ROBO2: variants seen among roughly 807,000 people sequenced by gnomAD.
ROBO2 encodes the protein roundabout homolog 2.
In ROBO2, 53 loss-of-function variants were observed where a neutral mutation model predicts 160.8. The ratio of observed to expected loss-of-function variants is 0.33; its 90% CI spans 0.26 to 0.41. The LOEUF (loss-of-function observed/expected upper bound fraction) is 0.41, where lower values mean the gene tolerates loss of function less well. Ranked by LOEUF, ROBO2 falls within the 10% of genes least tolerant of loss-of-function variation. The probability of loss-of-function intolerance (pLI) is 1.00; values close to 1 mark genes in which losing one functional copy is unlikely to be tolerated. For synonymous variants in ROBO2, 664 were observed against 611.7 expected (o/e 1.09, Z -1.26); for missense variants, 1,577 against 1,722.4 (o/e 0.92, Z 1.49).
chr3:76,478,231 A>G (rs1363076419), intron 2 of ROBO2, among the ~76,000 whole-genome samples: 2 of 127,400 alleles, frequency 1.6e-5, no homozygotes, highest in Admixed American at 1.9e-4. Flanking sequence ...TCCTGTGTCC[A>G]TGTGTTCTTA....
At chr3:77,249,250 C>T (rs755045858) in intron 2 of ROBO2, among the ~76,000 whole-genome samples, 4 of 152,134 alleles carry the variant, frequency 2.6e-5, no homozygotes, top group South Asian at 2.1e-4. Flanking sequence ...TACCTGTAAA[C>T]GACCTTATGA....
chr3:77,280,391 G>A (rs1476573947), intron 2 of ROBO2, among the ~76,000 whole-genome samples: 2 of 152,058 alleles, frequency 1.3e-5, no homozygotes, highest in African/African-American at 4.8e-5. Context: ...TGAATTCTTT[G>A]CCTTTCTAGA....
At chr3:77,515,047 T>G (rs949954718) in intron 5 of ROBO2, among the ~76,000 whole-genome samples, 21 of 151,788 alleles carry the variant, frequency 1.4e-4, no homozygotes, top group Admixed American at 8.6e-4. Context: ...AAATTAGTAA[T>G]GAGCCAACTA....
intron 2 of ROBO2, among the ~76,000 whole-genome samples, chr3:76,257,502 C>T (rs2107580728): frequency 6.6e-6 from 1 of 152,210 alleles, no homozygotes; most frequent in East Asian, 1.9e-4. Context: ...ATTGATTCTC[C>T]CAAATTGTGA....
At chr3:76,241,854 A>G (rs1705308749) in intron 2 of ROBO2, among the ~76,000 whole-genome samples, 1 of 152,186 alleles carries the variant, frequency 6.6e-6, no homozygotes, top group Non-Finnish European at 1.5e-5. Flanking sequence ...ATGTTTTATC[A>G]TTGGCTCCAA....
chr3:77,329,426 T>A (rs2153440226), intron 2 of ROBO2, among the ~76,000 whole-genome samples: 1 of 152,308 alleles, frequency 6.6e-6, no homozygotes, highest in South Asian at 2.1e-4. Context: ...TGTTCTAGTG[T>A]TTAGGCTAAT....
intron 2 of ROBO2, among the ~76,000 whole-genome samples, chr3:76,722,779 A>G (rs1005603295): frequency 2.6e-5 from 4 of 152,176 alleles, no homozygotes; most frequent in African/African-American, 9.7e-5. Flanking sequence ...ATTGTAGCAT[A>G]TATCAGTACT....
intron 2 of ROBO2, among the ~76,000 whole-genome samples, chr3:76,913,948 T>G (rs1012581913): frequency 1.7e-5 from 2 of 120,276 alleles, no homozygotes; most frequent in African/African-American, 7.5e-5. Flanking sequence ...AATACTCCAT[T>G]ACATGAGTAA....
chr3:77,277,157 C>CTTCCTTCTTTCT (rs1553882842), intron 2 of ROBO2, among the ~76,000 whole-genome samples: 3 of 88,136 alleles, frequency 3.4e-5, no homozygotes, highest in African/African-American at 1.3e-4. Context: ...TCCTTCTTTC[C>CTTCCTTCTTTCT]TTCTTTCTTT....
intron 2 of ROBO2, among the ~76,000 whole-genome samples, chr3:76,524,826 TAAAAA>T (rs58091252): frequency 4.8e-3 from 104 of 21,596 alleles, no homozygotes; most frequent in African/African-American, 6.3e-3. Flanking sequence ...CTCTTATTCC[TAAAAA>T]AAAAAAAAAA....
At chr3:76,392,332 T>G (rs761330953) in intron 2 of ROBO2, among the ~76,000 whole-genome samples, 6 of 152,192 alleles carry the variant, frequency 3.9e-5, no homozygotes, top group Non-Finnish European at 8.8e-5. Context: ...TTTAGAACTT[T>G]GTGTTCATGC....
rs1239947290 is a variant in ROBO2, at chr3:77,574,387, C to T, written c.1972-112C>T. Reference sequence around the variant, plus strand: ...GATTAGCTAGAAAGTCATGACATCACTCAGTTGATAGTTATGAGGACAGAA... The same window carrying T: ...GATTAGCTAGAAAGTCATGACATCATTCAGTTGATAGTTATGAGGACAGAA... On this transcript the variant is annotated intron_variant, in intron 13 of 25. Coordinates refer to ENST00000461745, the Ensembl canonical transcript of ROBO2. The T allele has an allele frequency of 2.8e-5, 24 of 856,310 alleles. No individual in the cohort carries two copies. The East Asian group carries it at 3.4e-4, about 12-fold the overall frequency. The allele number at this position is 856,310 out of a possible 1,614,324, so 53.0% of individuals were successfully genotyped here.
chr3:75,925,382 C>T (rs1282774603), intron 1 of ROBO2, among the ~76,000 whole-genome samples: 1 of 151,880 alleles, frequency 6.6e-6, no homozygotes, highest in Admixed American at 6.6e-5. Flanking sequence ...AGAATGAGAC[C>T]CTGTCTCCAT....
chr3:76,313,182 G>A (rs1330914259), intron 2 of ROBO2, among the ~76,000 whole-genome samples: 1 of 152,190 alleles, frequency 6.6e-6, no homozygotes, highest in African/African-American at 2.4e-5. Flanking sequence ...TGTTGACTGT[G>A]CTTTAAAATT....
intron 2 of ROBO2, among the ~76,000 whole-genome samples, chr3:76,325,008 G>A (rs1338601926): frequency 6.6e-6 from 1 of 152,202 alleles, no homozygotes; most frequent in East Asian, 1.9e-4. Flanking sequence ...GGGAGGCTGA[G>A]GCAGGAGAAT....
At chr3:76,121,966 T>C (rs780589037) in intron 2 of ROBO2, among the ~76,000 whole-genome samples, 6 of 152,200 alleles carry the variant, frequency 3.9e-5, no homozygotes, top group Non-Finnish European at 8.8e-5. Context: ...TATTCCTCAA[T>C]GTATTTTCTT....
intron 2 of ROBO2, among the ~76,000 whole-genome samples, chr3:76,791,482 CTG>C (rs948384833): frequency 6.6e-5 from 10 of 151,498 alleles, no homozygotes; most frequent in African/African-American, 2.2e-4. Context: ...CTCTCTCTCT[CTG>C]TGTTTTTCTC....
rs547643509 is a variant in ROBO2 at position 76,819,854 on chromosome 3, C to T, written c.110-278160C>T. Among the ~76,000 whole-genome samples the T allele has an allele frequency of 3.9e-5, 6 of 152,158 alleles. No homozygotes were observed. In the East Asian group the frequency reaches 1.2e-3, roughly 29 times the overall value. ...ATGCTCTGCTGTTGTACTGCAGTTT[C>T]AATTGGGACCTGTGTCGTGTGAGTC... On this transcript the variant is annotated intron_variant, in intron 2 of 26. Coordinates refer to the ROBO2 transcript ENST00000487694.
At chr3:76,719,883 CAAA>C (rs58861850) in intron 2 of ROBO2, among the ~76,000 whole-genome samples, 173 of 130,200 alleles carry the variant, frequency 1.3e-3, no homozygotes, top group Middle Eastern at 3.8e-3. Context: ...GACTGTGTCT[CAAA>C]AAAAAAAAAA....
Sources: gnomAD v4.1 joint callset for allele counts (sites outside exome capture counted in the v4.1 genomes callset) on GRCh38, gnomAD v4.1.1 for gene constraint, MANE v1.5 for transcripts, NCBI Gene and HGNC (gene_info 2026-07-23, HGNC 2026-07-21) for gene names.